Variants in EXOC3 observed in about 807,000 individuals in gnomAD.
EXOC3 encodes the protein exocyst complex component 3.
A neutral mutation model predicts 73.7 loss-of-function variants in EXOC3; 21 were observed. The ratio of observed to expected loss-of-function variants is 0.29; its 90% CI spans 0.20 to 0.41. The LOEUF (loss-of-function observed/expected upper bound fraction) is 0.41. Ranked by LOEUF, EXOC3 falls within the 10% of genes least tolerant of loss-of-function variation. EXOC3 has a pLI of 1.00. For missense variants in EXOC3, 842 were observed against 985.1 expected (o/e 0.85, Z 1.95); for synonymous variants, 410 against 389.1 (o/e 1.05, Z -0.63).
At chr5:450,558 A>G (rs1030532566) in intron 3 of EXOC3, among the ~76,000 whole-genome samples, 2 of 152,220 alleles carry the variant, frequency 1.3e-5, no homozygotes, top group Admixed American at 1.3e-4. Context: ...GGTTGGTTGC[A>G]TTGTTCAAGT....
At position 464,209 on chromosome 5, in the gene EXOC3, G is replaced by A. The variant is rs1579745763; in HGVS notation, c.1654-81G>A. On this transcript the variant is annotated intron_variant, in intron 9 of 12. Transcript: ENST00000512944. ...CAGCTCTCGTGGGGCGTTGAGGTGA[G>A]GAAGTGCCTCCCTCCCACATGCACT... is the stretch of plus-strand genomic sequence containing the variant. 6 of 1,427,086 alleles carry A rather than the reference G, an allele frequency of 4.2e-6. No homozygotes were observed. In the East Asian group the frequency reaches 1.2e-4, roughly 29 times the overall value. The allele number at this position is 1,427,086 out of a possible 1,614,324, so 88.4% of individuals were successfully genotyped here. A position where few individuals can be genotyped will look rare whatever the true frequency, so the allele number is the denominator to read the frequency against.
intron 6 of EXOC3, 138 bp from the exon 7 acceptor site, chr5:459,221 G>A (rs1737910472): frequency 2.9e-6 from 1 of 346,604 alleles, no homozygotes; most frequent in Non-Finnish European, 4.8e-6. Context: ...TTTTCACGTG[G>A]TTTCATTTTT....
chr5:451,253 CATT>C (rs1378972471), intron 3 of EXOC3, among the ~76,000 whole-genome samples: 1 of 152,212 alleles, frequency 6.6e-6, no homozygotes, highest in African/African-American at 2.4e-5. Context: ...TAACATCTAA[CATT>C]ATCTCGCTTC....
At position 443,277 on chromosome 5, in the gene EXOC3, C is replaced by CGGCGTA. The variant is rs1378448728; in HGVS notation, c.-69_-68insGCGTAG. The CGGCGTA allele has an allele frequency of 2.1e-5, 3 of 141,228 alleles. No homozygotes were observed. Among genetic ancestry groups the CGGCGTA allele is most frequent in the Admixed American group, 2.1e-4 (3 of 14,166 alleles). The allele number at this position is 141,228 out of a possible 1,614,324, so 8.7% of individuals were successfully genotyped here. ...GCGGCGGCGGCGGCGGCGGCGGCGGCGTAGCCGTAGAGGGTGAGTCGGTGG... is the reference window on the plus strand; with the variant it reads ...GCGGCGGCGGCGGCGGCGGCGGCGGCGGCGTAGTAGCCGTAGAGGGTGAGTCGGTGG... On this transcript the variant is annotated 5_prime_UTR_variant, in exon 1 of 13. Transcript: ENST00000512944.
chr5:454,664 A>G (rs1737752458), intron 4 of EXOC3, among the ~76,000 whole-genome samples: 1 of 152,212 alleles, frequency 6.6e-6, no homozygotes, highest in Non-Finnish European at 1.5e-5. Flanking sequence ...TGCGTGGATT[A>G]ATTTGAAGTA....
In EXOC3 at chr5:467,287, G is replaced by A. The variant is rs558495437; in HGVS notation, c.*389G>A. 129 of 193,612 alleles carry A rather than the reference G, an allele frequency of 6.7e-4. 1 individual carries two copies. Among genetic ancestry groups the A allele is most frequent in the African/African-American group, 2.9e-3 (127 of 43,274 alleles). The allele number at this position is 193,612 out of a possible 1,614,324, so 12.0% of individuals were successfully genotyped here. A position where few individuals can be genotyped will look rare whatever the true frequency, so the allele number is the denominator to read the frequency against. On this transcript the variant is annotated 3_prime_UTR_variant, in exon 13 of 13. Coordinates refer to ENST00000512944, the MANE Select transcript of EXOC3 (RefSeq NM_007277.5). ...ATTAAAGTTTCTCGGCTTCCTCAGA[G>A]AAATGAAAACGCCATGCATTCTCTT...
rs761068279 is a variant in EXOC3, at chr5:457,040, C to T, written c.1164+34C>T. ...GGCTGGCCTGCGTGCCACAGACCAC[C>T]GTGCTGGTTATATGAGTAACTAGGG... On this transcript the variant is annotated intron_variant, in intron 5 of 12. Transcript: ENST00000512944. 21 of 1,480,514 alleles carry T rather than the reference C, an allele frequency of 1.4e-5. No individual in the cohort carries two copies. The South Asian group carries it at 1.7e-4, about 12-fold the overall frequency. The allele number at this position is 1,480,514 out of a possible 1,614,324, so 91.7% of individuals were successfully genotyped here.
Position 446,237 on chromosome 5 carries a change from C to T in EXOC3, c.32C>T (p.Thr11Ile), listed in dbSNP as rs1251656622. 1 of 1,613,890 alleles carries T rather than the reference C, an allele frequency of 6.2e-7. No homozygotes were observed. The highest frequency in any genetic ancestry group is 8.5e-7 in the Non-Finnish European group (1 of 1,179,888). MKETDREAVA[T>I]AVQRVAGMLQ... The stretch of plus-strand genomic sequence containing the variant: ...GAGACAGACCGGGAGGCCGTTGCGA[C>T]AGCAGTGCAAAGGGTTGCTGGGATG... Residue 11 changes from threonine (T) to isoleucine (I), a missense_variant, in exon 2 of 13, where the codon ACA becomes ATA. Coordinates refer to ENST00000512944, the MANE Select transcript of EXOC3 (RefSeq NM_007277.5).
rs1255095492 is a variant in EXOC3 at position 457,630 on chromosome 5, A to G, written c.1165-270A>G. On this transcript the variant is annotated intron_variant, in intron 5 of 12. Coordinates refer to ENST00000512944, the MANE Select transcript of EXOC3 (RefSeq NM_007277.5). ...GGATTCAGCGGCCTTGTCCTCCAGC[A>G]TGAGGTGCAGCCAAAAGGGCATCTA... 15 of 353,574 alleles carry G rather than the reference A, an allele frequency of 4.2e-5. No homozygotes were observed. In the Admixed American group the frequency reaches 5.9e-4, roughly 14 times the overall value. The allele number at this position is 353,574 out of a possible 1,614,324, so 21.9% of individuals were successfully genotyped here.
Position 462,839 on chromosome 5 carries a change from C to T in EXOC3, c.1653+532C>T, listed in dbSNP as rs1738028948. Among the ~76,000 whole-genome samples the T allele has an allele frequency of 2.0e-5, 3 of 152,340 alleles. No individual in the cohort carries two copies. In the South Asian group the frequency reaches 6.2e-4, roughly 32 times the overall value. ...AGACCTTGTAGGCCGGGTGTGGTGG[C>T]TTACGCCTTTAATCCCAGCACTTTG... On this transcript the variant is annotated intron_variant, in intron 9 of 12. Transcript: ENST00000512944.
Position 462,074 on chromosome 5 carries a change from AGT to A in EXOC3, c.1502+8_1502+9del, listed in dbSNP as rs1738002218. On this transcript the variant is annotated splice_donor_5th_base_variant and intron_variant, in intron 8 of 12. Transcript: ENST00000512944. ...TCAACAACTGCCAGACCTTCAAGTGAGTGTGGCCGGGCGCTGTGGCGGGGGAG... is the reference window on the plus strand; with the variant it reads ...TCAACAACTGCCAGACCTTCAAGTGAGTGGCCGGGCGCTGTGGCGGGGGAG... The A allele has an allele frequency of 2.5e-6, 4 of 1,610,530 alleles. No individual in the cohort carries two copies. Among genetic ancestry groups the A allele is most frequent in the Non-Finnish European group, 3.4e-6 (4 of 1,178,218 alleles).
At chr5:449,876 G>A (rs1349661219) in intron 3 of EXOC3, among the ~76,000 whole-genome samples, 1 of 152,200 alleles carries the variant, frequency 6.6e-6, no homozygotes, top group African/African-American at 2.4e-5. Flanking sequence ...TCCTCCGGTG[G>A]CTGCAGCATT....
At chr5:457,277 G>T (rs1371154067) in intron 5 of EXOC3, 4 of 467,630 alleles carry the variant, frequency 8.6e-6, no homozygotes, top group Non-Finnish European at 1.6e-5. Flanking sequence ...GGCCCAGAAC[G>T]TCTGAACCGT....
chr5:461,895 C>A, intron 7 of EXOC3, 65 bp from the exon 8 acceptor site: 2 of 1,120,760 alleles, frequency 1.8e-6, no homozygotes, highest in Non-Finnish European at 2.6e-6. Flanking sequence ...GTGACGTCAG[C>A]GTGGCATTTG....
chr5:463,355 G>A (rs967734292), intron 9 of EXOC3, among the ~76,000 whole-genome samples: 5 of 152,132 alleles, frequency 3.3e-5, no homozygotes, highest in African/African-American at 1.2e-4. Context: ...AGAAAAATGG[G>A]CAAAAGACAT....
chr5:465,394 C>G, intron 11 of EXOC3, 122 bp downstream of exon 11: 1 of 1,177,934 alleles, frequency 8.5e-7, no homozygotes, highest in South Asian at 1.4e-5. Context: ...CGGGGGGAGC[C>G]TGGGTCCAGG....
Position 464,300 on chromosome 5 carries a change from A to G in EXOC3, c.1664A>G (p.Asn555Ser). ...EVFLDLEQHL[N>S]ELMTKKWLLG... is the part of the protein sequence containing the mutation. ...GTTTCTGCTTTTCAGCAACATCTGA[A>G]TGAATTGATGACGAAGAAGTGGCTA... Residue 555 changes from asparagine (N) to serine (S), a missense_variant, in exon 10 of 13, where the codon AAT (asparagine) becomes AGT (serine). Physicochemically the swap from Asn to Ser is conservative, Grantham distance 46 (BLOSUM62 1). Transcript: ENST00000512944. 1.2e-6 allele frequency: 2 copies of G among 1,613,524 alleles called. No homozygotes were observed. The highest frequency in any genetic ancestry group is 1.7e-6 in the Non-Finnish European group (2 of 1,179,514).
chr5:464,935 C>T, intron 10 of EXOC3, 176 bp from the exon 11 acceptor site: 2 of 673,460 alleles, frequency 3.0e-6, no homozygotes, highest in Non-Finnish European at 4.9e-6. Context: ...CGTCACTGTT[C>T]CCCCACTGAG....
chr5:458,141 A>ATTGAGAGCCC (rs1364349185), intron 6 of EXOC3, 116 bp downstream of exon 6: 8 of 1,104,266 alleles, frequency 7.2e-6, no homozygotes, highest in Non-Finnish European at 1.0e-5. Context: ...TAGTAAAAAT[A>ATTGAGAGCCC]TTGAGAGCCC....
Sources: allele counts gnomAD v4.1 joint callset (sites outside exome capture counted in the v4.1 genomes callset), GRCh38; gene constraint gnomAD v4.1.1; transcripts MANE v1.5; gene names NCBI Gene and HGNC (gene_info 2026-07-23, HGNC 2026-07-21).